STAT2: variants seen among roughly 807,000 people sequenced by gnomAD.
STAT2 encodes signal transducer and activator of transcription 2.
A neutral mutation model predicts 122.3 loss-of-function variants in STAT2; 51 were observed. The ratio of observed to expected loss-of-function variants is 0.42; its 90% CI spans 0.33 to 0.53. The LOEUF (loss-of-function observed/expected upper bound fraction) is 0.53, where lower values mean the gene tolerates loss of function less well. Among genes scored for constraint, STAT2 ranks in the 20% least tolerant of loss-of-function variants. The pLI is 0.10. For missense variants in STAT2, 736 were observed against 1,010.3 expected, an observed-to-expected ratio of 0.73 and a Z score of 3.68; for synonymous variants, 351 against 394.9, an observed-to-expected ratio of 0.89 and a Z score of 1.32.
At chr12:56,353,994 TCAAAA>T (rs1565657165) in intron 8 of STAT2, among the ~76,000 whole-genome samples, 1 of 10,960 alleles carries the variant, frequency 9.1e-5, no homozygotes, top group Non-Finnish European at 1.3e-4. Context: ...AGACTCCGTC[TCAAAA>T]AAAAAAAAAA....
intron 1 of STAT2, among the ~76,000 whole-genome samples, chr12:56,356,889 G>A (rs966275397): frequency 2.6e-5 from 4 of 151,712 alleles, no homozygotes; most frequent in African/African-American, 7.3e-5. Flanking sequence ...CTTACCAGTC[G>A]AGCATCCCTA....
At chr12:56,358,231 CTTTT>C (rs889276884) in intron 1 of STAT2, among the ~76,000 whole-genome samples, 1 of 140,802 alleles carries the variant, frequency 7.1e-6, no homozygotes, top group Non-Finnish European at 1.6e-5. Context: ...GGCTCTGAAG[CTTTT>C]TTTTTTCTTT....
At chr12:56,354,420 A>G (rs767016793) in intron 8 of STAT2, 46 bp downstream of exon 8, 1 of 1,612,772 alleles carries the variant, frequency 6.2e-7, no homozygotes, top group Admixed American at 1.7e-5. Flanking sequence ...GCAACTTACA[A>G]ATCACAGCGC....
chr12:56,347,359 T>G (rs1487111298), intron 19 of STAT2, among the ~76,000 whole-genome samples: 1 of 151,938 alleles, frequency 6.6e-6, no homozygotes, highest in Non-Finnish European at 1.5e-5. Context: ...CCTGGCTAAC[T>G]TTTGTATTTT....
chr12:56,354,775 C>T lies in STAT2; in HGVS notation c.633+3G>A. The T allele has an allele frequency of 1.9e-6, 3 of 1,614,168 alleles. No individual in the cohort carries two copies. Among genetic ancestry groups the T allele is most frequent in the African/African-American group, 1.3e-5 (1 of 75,040 alleles). ...CCCACATGTTCTGTCCTCTGTCTCC[C>T]ACCTTTCTCCTTTTGTCCAGTTCAT... On this transcript the variant is annotated splice_donor_region_variant and intron_variant, in intron 7 of 23. Transcript: ENST00000314128.
intron 1 of STAT2, among the ~76,000 whole-genome samples, chr12:56,357,710 CTTTT>C (rs940388949): frequency 3.8e-5 from 5 of 130,128 alleles, no homozygotes; most frequent in Non-Finnish European, 3.3e-5. Context: ...AATTTTCTTT[CTTTT>C]TTTTTTTTTT....
chr12:56,358,007 G>C (rs1025023498), intron 1 of STAT2, among the ~76,000 whole-genome samples: 3 of 151,984 alleles, frequency 2.0e-5, no homozygotes, highest in African/African-American at 7.2e-5. Context: ...CCAGCCTAAT[G>C]GTAATTTTCA....
chr12:56,354,616 T>TG lies in STAT2; in HGVS notation c.634-3dup, dbSNP rs781118479. ...TGCTTTGGAGGCATCCAGCACCTCC[T>TG]GGGAAAGAGATAATGTGAGTGTTGA... On this transcript the variant is annotated splice_region_variant and splice_polypyrimidine_tract_variant and intron_variant, in intron 7 of 23. Transcript: ENST00000314128. 11 of 1,614,014 alleles carry TG rather than the reference T, an allele frequency of 6.8e-6. No individual in the cohort carries two copies. The highest frequency in any genetic ancestry group is 8.5e-6 in the Non-Finnish European group (10 of 1,180,020).
chr12:56,348,503 T>A (rs780295045), intron 19 of STAT2, 26 bp downstream of exon 19: 1 of 1,610,590 alleles, frequency 6.2e-7, no homozygotes. Flanking sequence ...CACAAGCCCA[T>A]GAGGGAAGGG....
rs747223187 is a variant in STAT2 at position 56,346,502 on chromosome 12, G to A, written c.1984C>T (p.Arg662Cys). 1.1e-5 allele frequency: 18 copies of A among 1,614,094 alleles called. No homozygotes were observed. Among genetic ancestry groups the A allele is most frequent in the East Asian group, 4.5e-5 (2 of 44,894 alleles). Residue 662 changes from arginine to cysteine, a missense_variant, in exon 21 of 24, where the codon CGC becomes TGC. Physicochemically the swap from Arg to Cys is radical, Grantham distance 180. Transcript: ENST00000314128. ...CGGGGGATTCGGGGATAGAGGAAGC[G>A]CAGTGGGTTTTCAGGTATATTCTCC... is the stretch of plus-strand genomic sequence containing the variant. ...TEENIPENPL[R>C]FLYPRIPRDE...
Position 56,346,436 on chromosome 12 carries a change from T to C in STAT2, c.2044+6A>G. 6.2e-7 allele frequency: 1 copy of C among 1,614,168 alleles called. No homozygotes were observed. The highest frequency in any genetic ancestry group is 8.5e-7 in the Non-Finnish European group (1 of 1,180,020). On this transcript the variant is annotated splice_donor_region_variant and intron_variant, in intron 21 of 23. Coordinates refer to ENST00000314128, the MANE Select transcript of STAT2 (RefSeq NM_005419.4). ...TCTAGCAATGAAGTATGTCAACGAT[T>C]CCCACCTTTCTCCTGGTAGTAGCAC...
At chr12:56,350,039 A>T in intron 13 of STAT2, 58 bp downstream of exon 13, 1 of 1,479,342 alleles carries the variant, frequency 6.8e-7, no homozygotes, top group Non-Finnish European at 9.4e-7. Flanking sequence ...ACAGAGTGAG[A>T]CTCCGTCTCA....
intron 19 of STAT2, among the ~76,000 whole-genome samples, chr12:56,347,777 C>CAGGCG (rs1222083058): frequency 6.6e-6 from 1 of 152,198 alleles, no homozygotes; most frequent in Non-Finnish European, 1.5e-5. Context: ...GCTGGGATTA[C>CAGGCG]AGGCGTGAGC....
At chr12:56,347,277 C>T (rs1877640998) in intron 19 of STAT2, among the ~76,000 whole-genome samples, 1 of 151,462 alleles carries the variant, frequency 6.6e-6, no homozygotes, top group Admixed American at 6.6e-5. Flanking sequence ...CCACCTCGAC[C>T]TCCCGGGCTC....
At chr12:56,344,903 G>A (rs768316323) in intron 22 of STAT2, among the ~76,000 whole-genome samples, 3 of 151,994 alleles carry the variant, frequency 2.0e-5, no homozygotes, top group Non-Finnish European at 4.4e-5. Flanking sequence ...AGCTACTCAG[G>A]AGGCTGAGGC....
rs762183023 is a variant in STAT2, at chr12:56,355,260, T to G, written c.547+16A>C. ...CAGGCACTTATCTTTCTCCAGCCCCTCAATGTGCTTCCTACCTTTGGCCTG... is the reference window on the plus strand; with the variant it reads ...CAGGCACTTATCTTTCTCCAGCCCCGCAATGTGCTTCCTACCTTTGGCCTG... On this transcript the variant is annotated intron_variant, in intron 6 of 23. Transcript: ENST00000314128. 6.2e-7 allele frequency: 1 copy of G among 1,614,074 alleles called. No homozygotes were observed. The highest frequency in any genetic ancestry group is 8.5e-7 in the Non-Finnish European group (1 of 1,179,980).
chr12:56,344,699 T>C (rs898416910), intron 22 of STAT2, among the ~76,000 whole-genome samples: 10 of 151,790 alleles, frequency 6.6e-5, no homozygotes, highest in African/African-American at 2.4e-4. Flanking sequence ...GGTGAAACCC[T>C]GTTTCTACTA....
chr12:56,343,917 A>G lies in STAT2; in HGVS notation c.2321T>C (p.Val774Ala). ...EPTLCMVSQT[V>A]PEPDQGPVSQ... The stretch of plus-strand genomic sequence containing the variant: ...TACAGGTCCTTGGTCTGGCTCTGGC[A>G]CTGTTTGTGATACCATGCATAGTGT... The change falls in exon 23 of 24, where the codon GTG becomes GCG. Residue 774 changes from valine to alanine, a missense_variant. Transcript: ENST00000314128. 1 of 1,614,072 alleles carries G rather than the reference A, an allele frequency of 6.2e-7. No individual in the cohort carries two copies. The highest frequency in any genetic ancestry group is 8.5e-7 in the Non-Finnish European group (1 of 1,180,006).
At position 56,350,879 on chromosome 12, in the gene STAT2, C is replaced by G; in HGVS notation, c.1044G>C (p.Val348=). The G allele has an allele frequency of 6.2e-7, 1 of 1,613,984 alleles. No homozygotes were observed. The highest frequency in any genetic ancestry group is 2.2e-5 in the East Asian group (1 of 44,888). The change falls in exon 11 of 24, where the codon GTG becomes GTC. Residue 348 remains valine, a synonymous_variant. Coordinates refer to ENST00000314128, the MANE Select transcript of STAT2 (RefSeq NM_005419.4). Reference sequence around the variant, plus strand: ...GTGACTCATTGCCTTCCTGGAGTCTCACCAGCAGCCTGGGGGAAGGAAGGG... The same window carrying G: ...GTGACTCATTGCCTTCCTGGAGTCTGACCAGCAGCCTGGGGGAAGGAAGGG... ...SKFTVRTRLL[V]RLQEGNESLT... is the part of the protein sequence containing the mutation.
Sources: gnomAD v4.1 joint callset for allele counts (sites outside exome capture counted in the v4.1 genomes callset) on GRCh38, gnomAD v4.1.1 for gene constraint, MANE v1.5 for transcripts, NCBI Gene and HGNC (gene_info 2026-07-23, HGNC 2026-07-21) for gene names.